Variants in ALX1 observed in about 807,000 individuals in gnomAD.
ALX1 encodes ALX homeobox protein 1.
In ALX1, 19 loss-of-function variants were observed where a neutral mutation model predicts 31.7. The observed-to-expected ratio is 0.60, with a 90% confidence interval of 0.42 to 0.88. The LOEUF (loss-of-function observed/expected upper bound fraction) is 0.88, where lower values mean the gene tolerates loss of function less well. ALX1 is among the 40% of genes least tolerant of loss of function. The pLI, the probability that ALX1 is intolerant of heterozygous loss-of-function variation, is 0.00. For synonymous variants in ALX1, 153 were observed against 148.8 expected, an observed-to-expected ratio of 1.03 and a Z score of -0.20; for missense variants, 415 against 407.8, an observed-to-expected ratio of 1.02 and a Z score of -0.15.
intron 3 of ALX1, 66 bp from the exon 4 acceptor site, chr12:85,301,089 T>TAACAAAAGTAAGAG: frequency 6.3e-7 from 1 of 1,585,660 alleles, no homozygotes; most frequent in Non-Finnish European, 8.7e-7. Flanking sequence ...AAATACAACT[T>TAACAAAAGTAAGAG]AACAAAAGTA....
chr12:85,290,510 G>C (rs1307649098), intron 3 of ALX1, among the ~76,000 whole-genome samples: 1 of 151,066 alleles, frequency 6.6e-6, no homozygotes, highest in African/African-American at 2.4e-5. Context: ...CTCATTGACT[G>C]TTTCAAGATT....
intron 3 of ALX1, among the ~76,000 whole-genome samples, chr12:85,290,844 G>C (rs1454300889): frequency 6.6e-6 from 1 of 150,918 alleles, no homozygotes; most frequent in Non-Finnish European, 1.5e-5. Flanking sequence ...TGTGCCATCT[G>C]TCTGCACATC....
chr12:85,283,589 A>G lies in ALX1; in HGVS notation c.244A>G (p.Lys82Glu), dbSNP rs748821759. The change falls in exon 2 of 4, where the codon AAA becomes GAA. Residue 82 changes from lysine (K) to glutamate (E), a missense_variant. Physicochemically the swap from Lys to Glu is moderately conservative, Grantham distance 56 (BLOSUM62 1). Coordinates refer to ENST00000316824, the MANE Select transcript of ALX1 (RefSeq NM_006982.3). ...QDSSVNYGIT[K>E]VEGQPLHTEL... Reference sequence around the variant, plus strand: ...GGGTACAGTGAACTATGGGATCACTAAAGTAGAAGGACAGCCCCTTCACAC... The same window carrying G: ...GGGTACAGTGAACTATGGGATCACTGAAGTAGAAGGACAGCCCCTTCACAC... 2 of 1,614,134 alleles carry G rather than the reference A, an allele frequency of 1.2e-6. No individual in the cohort carries two copies. Among genetic ancestry groups the G allele is most frequent in the South Asian group, 1.1e-5 (1 of 91,086 alleles).
At chr12:85,288,201 T>C (rs1164936878) in intron 3 of ALX1, among the ~76,000 whole-genome samples, 2 of 151,518 alleles carry the variant, frequency 1.3e-5, no homozygotes, top group African/African-American at 4.8e-5. Flanking sequence ...TTTGTGATCA[T>C]ACAAGTGGGT....
chr12:85,301,025 G>C (rs577531905), intron 3 of ALX1, 130 bp from the exon 4 acceptor site: 1 of 897,622 alleles, frequency 1.1e-6, no homozygotes, highest in African/African-American at 1.7e-5. Context: ...ATTGTTGTAT[G>C]TAATTACAGA....
chr12:85,290,200 G>A (rs777058116), intron 3 of ALX1, among the ~76,000 whole-genome samples: 2 of 151,056 alleles, frequency 1.3e-5, no homozygotes, highest in Non-Finnish European at 3.0e-5. Flanking sequence ...TAAATACTTT[G>A]TTTCAACTGG....
Position 85,280,344 on chromosome 12 carries a change from T to A in ALX1, c.83T>A (p.Leu28Gln), listed in dbSNP as rs1317761911. Residue 28 changes from leucine to glutamine, a missense_variant, in exon 1 of 4, where the codon CTG (leucine) becomes CAG (glutamine). Leu to Gln is a moderately radical substitution (Grantham distance 113). Coordinates refer to ENST00000316824, the MANE Select transcript of ALX1 (RefSeq NM_006982.3). The stretch of plus-strand genomic sequence containing the variant: ...TTTTACATGGGCGCAGGAGGTCCTC[T>A]GGAGCACGTTATGGAGACGCTGGAC... Reference protein sequence around the residue: ...SDFYMGAGGPLEHVMETLDNE... With the variant: ...SDFYMGAGGPQEHVMETLDNE... 8 of 1,613,950 alleles carry A rather than the reference T, an allele frequency of 5.0e-6. No individual in the cohort carries two copies. In the South Asian group the frequency reaches 8.8e-5, roughly 18 times the overall value.
Position 85,283,592 on chromosome 12 carries a change from G to A in ALX1, c.247G>A (p.Val83Ile). The A allele has an allele frequency of 6.2e-7, 1 of 1,614,094 alleles. No individual in the cohort carries two copies. The highest frequency in any genetic ancestry group is 8.5e-7 in the Non-Finnish European group (1 of 1,179,966). Residue 83 changes from valine to isoleucine, a missense_variant, in exon 2 of 4, where the codon GTA becomes ATA. Physicochemically the swap from Val to Ile is conservative, Grantham distance 29 (BLOSUM62 3). This residue lies in a region of ALX1 where 235 missense variants were observed against 208.9 expected (regional missense o/e 1.13). Coordinates refer to ENST00000316824, the MANE Select transcript of ALX1 (RefSeq NM_006982.3). The stretch of plus-strand genomic sequence containing the variant: ...TACAGTGAACTATGGGATCACTAAA[G>A]TAGAAGGACAGCCCCTTCACACCGA... ...DSSVNYGITKVEGQPLHTELN... is the reference protein window; with the variant it reads ...DSSVNYGITKIEGQPLHTELN...
At chr12:85,280,926 AG>A (rs200555121) in intron 1 of ALX1, among the ~76,000 whole-genome samples, 10 of 142,032 alleles carry the variant, frequency 7.0e-5, no homozygotes, top group East Asian at 2.1e-4. Flanking sequence ...CGTCACGAGT[AG>A]GGAAAAAAAA....
chr12:85,281,203 T>C (rs1162437586), intron 1 of ALX1, among the ~76,000 whole-genome samples: 1 of 152,210 alleles, frequency 6.6e-6, no homozygotes, highest in Non-Finnish European at 1.5e-5. Context: ...ACGTTTTGTA[T>C]TTTTATGACT....
chr12:85,280,617 T>C, intron 1 of ALX1, 130 bp downstream of exon 1: 1 of 1,003,536 alleles, frequency 1.0e-6, no homozygotes, highest in Non-Finnish European at 1.5e-6. Context: ...TGGAGGAAGG[T>C]AGTGGAAGGT....
intron 3 of ALX1, among the ~76,000 whole-genome samples, chr12:85,297,770 T>C (rs1180291106): frequency 1.3e-5 from 2 of 151,650 alleles, no homozygotes; most frequent in African/African-American, 4.8e-5. Flanking sequence ...CAAGGATATG[T>C]ATCTGTTGTG....
chr12:85,294,006 A>T (rs907818645), intron 3 of ALX1, among the ~76,000 whole-genome samples: 12 of 151,236 alleles, frequency 7.9e-5, no homozygotes, highest in Non-Finnish European at 1.5e-4. Context: ...TAAAATTACA[A>T]AAATAAAATG....
chr12:85,297,001 T>G (rs1896898193), intron 3 of ALX1, among the ~76,000 whole-genome samples: 1 of 151,696 alleles, frequency 6.6e-6, no homozygotes, highest in African/African-American at 2.4e-5. Context: ...GCTTCCCAGT[T>G]GACAAAAAAG....
chr12:85,288,690 T>A lies in ALX1; in HGVS notation c.660+1709T>A, dbSNP rs1240875184. 3.3e-5 allele frequency among the ~76,000 whole-genome samples: 5 copies of A among 151,626 alleles called. No homozygotes were observed. The East Asian group carries it at 9.7e-4, about 29-fold the overall frequency. On this transcript the variant is annotated intron_variant, in intron 3 of 3. Coordinates refer to ENST00000316824, the MANE Select transcript of ALX1 (RefSeq NM_006982.3). ...TCACAACAACCTTATGTGCTAGGTG[T>A]TACTAATTGTCTCCATTGCTCAAAT...
At position 85,294,632 on chromosome 12, in the gene ALX1, A is replaced by G. The variant is rs577797853; in HGVS notation, c.661-6523A>G. 1.5e-4 allele frequency among the ~76,000 whole-genome samples: 22 copies of G among 151,256 alleles called. No homozygotes were observed. The South Asian group carries it at 4.6e-3, about 31-fold the overall frequency. On this transcript the variant is annotated intron_variant, in intron 3 of 3. Transcript: ENST00000316824. ...TGAAAAATGTAAACACATTTATATG[A>G]TGTTATGCTGAAAATTTACAGACAT...
chr12:85,291,405 G>A (rs1222070743), intron 3 of ALX1, among the ~76,000 whole-genome samples: 1 of 150,762 alleles, frequency 6.6e-6, no homozygotes, highest in Non-Finnish European at 1.5e-5. Context: ...AATAATTTTG[G>A]CCTTAAATTT....
chr12:85,283,705 G>A lies in ALX1; in HGVS notation c.360G>A (p.Gly120=), dbSNP rs201685545. Reference sequence around the variant, plus strand: ...AGAAGGGAGAGCTGGATGAACTTGGGGATAAATGTGATAGCAATGTATCCA... The same window carrying A: ...AGAAGGGAGAGCTGGATGAACTTGGAGATAAATGTGATAGCAATGTATCCA... ...MQEKGELDEL[G]DKCDSNVSSS... Residue 120 remains glycine (G), a synonymous_variant, in exon 2 of 4, where the codon GGG becomes GGA. Coordinates refer to ENST00000316824, the MANE Select transcript of ALX1 (RefSeq NM_006982.3). 1 of 1,614,126 alleles carries A rather than the reference G, an allele frequency of 6.2e-7. No homozygotes were observed. The highest frequency in any genetic ancestry group is 2.2e-5 in the East Asian group (1 of 44,874).
chr12:85,293,530 G>A (rs1283085524), intron 3 of ALX1, among the ~76,000 whole-genome samples: 2 of 150,694 alleles, frequency 1.3e-5, no homozygotes, highest in Non-Finnish European at 3.0e-5. Flanking sequence ...GAAACAAAGT[G>A]CACTCCTGTC....
Sources: gnomAD v4.1 joint callset for allele counts (sites outside exome capture counted in the v4.1 genomes callset) on GRCh38, gnomAD v4.1.1 for gene constraint, gnomAD v4.1.1 regional missense constraint, MANE v1.5 for transcripts, NCBI Gene and HGNC (gene_info 2026-07-23, HGNC 2026-07-21) for gene names.